Variants in RBFOX1 observed in about 807,000 individuals in gnomAD.
The protein encoded by RBFOX1 is RNA binding fox-1 homolog 1.
Under a neutral mutation model 57.7 loss-of-function variants are expected in RBFOX1, and 8 were observed. That is an observed-to-expected ratio of 0.14 (90% CI 0.08 to 0.25). The LOEUF (loss-of-function observed/expected upper bound fraction) is 0.25, where lower values mean the gene tolerates loss of function less well. RBFOX1 is among the 10% of genes least tolerant of loss of function. The pLI, the probability that RBFOX1 is intolerant of heterozygous loss-of-function variation, is 1.00. For missense variants in RBFOX1, 611 were observed against 548.5 expected (o/e 1.11, Z -1.14); for synonymous variants, 326 against 222.4 (o/e 1.47, Z -4.15).
intron 2 of RBFOX1, among the ~76,000 whole-genome samples, chr16:6,566,645 C>A (rs748708698): frequency 6.6e-6 from 1 of 152,126 alleles, no homozygotes; most frequent in South Asian, 2.1e-4. Context: ...ATTTTGACCC[C>A]TTTACGCACA....
intron 1 of RBFOX1, among the ~76,000 whole-genome samples, chr16:6,254,590 A>T (rs986301877): frequency 1.3e-5 from 2 of 152,178 alleles, no homozygotes; most frequent in African/African-American, 4.8e-5. Context: ...TGGTAGGAAG[A>T]CATTTTAACA....
At chr16:5,522,239 T>C (rs1266452240) in intron 2 of RBFOX1, among the ~76,000 whole-genome samples, 3 of 152,234 alleles carry the variant, frequency 2.0e-5, no homozygotes, top group Non-Finnish European at 4.4e-5. Context: ...TGCATGGCCA[T>C]GGACAAGTCC....
chr16:6,574,125 C>G (rs961750932), intron 2 of RBFOX1, among the ~76,000 whole-genome samples: 2 of 152,170 alleles, frequency 1.3e-5, no homozygotes, highest in Admixed American at 1.3e-4. Flanking sequence ...GCTGCACACT[C>G]AAGGAGATGT....
chr16:5,889,185 C>T (rs1003008776), intron 4 of RBFOX1, among the ~76,000 whole-genome samples: 1 of 152,156 alleles, frequency 6.6e-6, no homozygotes, highest in Non-Finnish European at 1.5e-5. Context: ...ATCAACTCAT[C>T]ACCTAGGTAA....
chr16:5,954,006 T>C (rs2152279667), intron 4 of RBFOX1, among the ~76,000 whole-genome samples: 1 of 152,256 alleles, frequency 6.6e-6, no homozygotes, highest in East Asian at 1.9e-4. Flanking sequence ...CCTTGGCTTG[T>C]CACCACTGGG....
chr16:5,546,720 C>T (rs977798101), intron 2 of RBFOX1, among the ~76,000 whole-genome samples: 1 of 151,924 alleles, frequency 6.6e-6, no homozygotes, highest in South Asian at 2.1e-4. Context: ...GATATGTTGC[C>T]AAAAACAAGA....
At chr16:6,020,898 C>T (rs2095060810) in intron 1 of RBFOX1, among the ~76,000 whole-genome samples, 1 of 152,178 alleles carries the variant, frequency 6.6e-6, no homozygotes, top group Non-Finnish European at 1.5e-5. Context: ...GAGGGGAAGA[C>T]CCCGATCTAA....
chr16:7,703,194 C>T (rs1334160550), intron 14 of RBFOX1, among the ~76,000 whole-genome samples: 1 of 152,178 alleles, frequency 6.6e-6, no homozygotes, highest in East Asian at 1.9e-4. Flanking sequence ...TAAGACTATG[C>T]CTTAGATATA....
intron 2 of RBFOX1, among the ~76,000 whole-genome samples, chr16:5,510,784 G>A (rs1429641838): frequency 6.6e-6 from 1 of 152,028 alleles, no homozygotes; most frequent in African/African-American, 2.4e-5. Flanking sequence ...AGTGTGGCGG[G>A]GCTGTTCTGA....
At chr16:5,552,768 C>T (rs925415421) in intron 2 of RBFOX1, among the ~76,000 whole-genome samples, 3 of 152,136 alleles carry the variant, frequency 2.0e-5, no homozygotes, top group Admixed American at 2.0e-4. Flanking sequence ...GCTCTGATCA[C>T]AGTCAGATAA....
At chr16:5,982,259 CT>C (rs1187382767) in intron 4 of RBFOX1, among the ~76,000 whole-genome samples, 6 of 151,430 alleles carry the variant, frequency 4.0e-5, no homozygotes, top group Non-Finnish European at 8.8e-5. Context: ...ACCATAGGGC[CT>C]TTGCACATGA....
chr16:7,640,546 A>T (rs2062603091), intron 11 of RBFOX1, among the ~76,000 whole-genome samples: 1 of 152,226 alleles, frequency 6.6e-6, no homozygotes, highest in South Asian at 2.1e-4. Context: ...TGTCAGACAG[A>T]TATTAAAACA....
chr16:5,837,000 C>T (rs1375699004), intron 3 of RBFOX1, among the ~76,000 whole-genome samples: 2 of 152,186 alleles, frequency 1.3e-5, no homozygotes, highest in Admixed American at 1.3e-4. Flanking sequence ...TGATAGTCTT[C>T]CCTAGAGCCC....
intron 2 of RBFOX1, among the ~76,000 whole-genome samples, chr16:6,527,364 C>T (rs1322501366): frequency 1.3e-5 from 2 of 151,896 alleles, no homozygotes; most frequent in Non-Finnish European, 2.9e-5. Flanking sequence ...TCCTTCCTTC[C>T]TCCCCCAACA....
At chr16:5,558,166 G>A (rs994761374) in intron 2 of RBFOX1, among the ~76,000 whole-genome samples, 1 of 152,172 alleles carries the variant, frequency 6.6e-6, no homozygotes, top group Non-Finnish European at 1.5e-5. Flanking sequence ...TATGCTGGGC[G>A]AGAACTTGGG....
At chr16:7,051,942 A>G in intron 3 of RBFOX1, 115 bp from the exon 4 acceptor site, 7 of 1,443,158 alleles carry the variant, frequency 4.9e-6, no homozygotes, top group Non-Finnish European at 6.6e-6. Context: ...ATACATAATT[A>G]ATTAATTATG....
At chr16:6,513,122 C>A (rs1006835072) in intron 2 of RBFOX1, among the ~76,000 whole-genome samples, 2 of 152,200 alleles carry the variant, frequency 1.3e-5, no homozygotes, top group Non-Finnish European at 2.9e-5. Context: ...AGCTCTACCA[C>A]CCATTCTTAA....
intron 2 of RBFOX1, among the ~76,000 whole-genome samples, chr16:5,509,521 T>C (rs971191702): frequency 1.3e-5 from 2 of 152,144 alleles, no homozygotes; most frequent in Admixed American, 1.3e-4. Context: ...AAGGGGAGTG[T>C]GGAATGAGAT....
intron 4 of RBFOX1, among the ~76,000 whole-genome samples, chr16:7,256,493 T>C (rs1053601517): frequency 6.6e-6 from 1 of 152,196 alleles, no homozygotes; most frequent in Non-Finnish European, 1.5e-5. Context: ...TTAGACCTTT[T>C]TTCCCTTCCT....
Sources: gnomAD v4.1 joint callset for allele counts (sites outside exome capture counted in the v4.1 genomes callset) on GRCh38, gnomAD v4.1.1 for gene constraint, MANE v1.5 for transcripts, NCBI Gene and HGNC (gene_info 2026-07-23, HGNC 2026-07-21) for gene names.